UBE2E2: variants seen among roughly 807,000 people sequenced by gnomAD.
UBE2E2 encodes the protein ubiquitin-conjugating enzyme E2 E2.
UBE2E2 carries 6 observed loss-of-function variants against 24.7 expected under a neutral mutation model. The observed-to-expected ratio is 0.24, with a 90% CI of 0.13 to 0.48. The LOEUF is 0.48. Among genes scored for constraint, UBE2E2 ranks in the 20% least tolerant of loss-of-function variants. The pLI is 0.99. For missense variants in UBE2E2, 169 were observed against 245.0 expected, an observed-to-expected ratio of 0.69 and a Z score of 2.07; for synonymous variants, 104 against 83.6, an observed-to-expected ratio of 1.24 and a Z score of -1.33.
rs569361696 is a variant in UBE2E2 at position 23,345,974 on chromosome 3, T to C, written c.227+128662T>C. ...AACGGCAGACAGCAGAAACTAATGG[T>C]TTTCAACTGTTGCTGATCTAATCAA... On this transcript the variant is annotated intron_variant, in intron 3 of 5. Transcript: ENST00000396703. Among the ~76,000 whole-genome samples, 7 of 152,228 alleles carry C rather than the reference T, an allele frequency of 4.6e-5. No homozygotes were observed. In the South Asian group the frequency reaches 8.3e-4, roughly 18 times the overall value.
intron 3 of UBE2E2, among the ~76,000 whole-genome samples, chr3:23,431,657 T>A (rs1381507832): frequency 3.3e-5 from 5 of 152,210 alleles, no homozygotes; most frequent in African/African-American, 1.2e-4. Context: ...TCTTCAGATC[T>A]CCTCTTTAAA....
At chr3:23,301,351 A>G (rs1161655006) in intron 3 of UBE2E2, among the ~76,000 whole-genome samples, 1 of 152,090 alleles carries the variant, frequency 6.6e-6, no homozygotes, top group Non-Finnish European at 1.5e-5. Context: ...TTGGAGGAGG[A>G]GAGGCACTCT....
At chr3:23,269,289 T>C (rs927583158) in intron 3 of UBE2E2, among the ~76,000 whole-genome samples, 35 of 152,272 alleles carry the variant, frequency 2.3e-4, no homozygotes, top group East Asian at 1.3e-3. Flanking sequence ...GAGAAAATTT[T>C]CACAACCTAC....
At chr3:23,473,266 A>G (rs1213619780) in intron 3 of UBE2E2, among the ~76,000 whole-genome samples, 1 of 152,100 alleles carries the variant, frequency 6.6e-6, no homozygotes, top group Non-Finnish European at 1.5e-5. Context: ...ATTTTATTCA[A>G]ATGCTTTTTT....
intron 5 of UBE2E2, among the ~76,000 whole-genome samples, chr3:23,561,010 G>T (rs200832134): frequency 3.9e-5 from 6 of 152,164 alleles, no homozygotes; most frequent in South Asian, 4.1e-4. Flanking sequence ...TTCTCCCATT[G>T]TGTAGGTTGC....
intron 3 of UBE2E2, among the ~76,000 whole-genome samples, chr3:23,381,728 A>C (rs527681472): frequency 6.6e-6 from 1 of 152,338 alleles, no homozygotes; most frequent in Non-Finnish European, 1.5e-5. Context: ...TCTGTCAATG[A>C]GAATTACTGT....
chr3:23,332,991 G>A (rs183704369), intron 3 of UBE2E2, among the ~76,000 whole-genome samples: 100 of 152,272 alleles, frequency 6.6e-4, no homozygotes, highest in South Asian at 1.5e-3. Flanking sequence ...CTATTTTGAA[G>A]CAGAGATTTG....
intron 5 of UBE2E2, among the ~76,000 whole-genome samples, chr3:23,550,554 C>G (rs1275764929): frequency 6.6e-6 from 1 of 152,158 alleles, no homozygotes; most frequent in Non-Finnish European, 1.5e-5. Context: ...AGGTCAGAGA[C>G]TATGTCTAGT....
chr3:23,266,780 C>G (rs140196074), intron 3 of UBE2E2, among the ~76,000 whole-genome samples: 1 of 152,282 alleles, frequency 6.6e-6, no homozygotes, highest in Non-Finnish European at 1.5e-5. Context: ...CACACCTACT[C>G]CAAAACTGAC....
chr3:23,399,123 CCTT>C (rs1397699664), intron 3 of UBE2E2, among the ~76,000 whole-genome samples: 2 of 152,084 alleles, frequency 1.3e-5, no homozygotes, highest in Non-Finnish European at 2.9e-5. Flanking sequence ...GTTTCTTTTT[CCTT>C]CTTTATAATT....
intron 3 of UBE2E2, among the ~76,000 whole-genome samples, chr3:23,356,189 A>G (rs1283329414): frequency 2.0e-5 from 3 of 152,226 alleles, no homozygotes; most frequent in Admixed American, 1.3e-4. Flanking sequence ...AAAGCGGCAA[A>G]TCAGAACCCA....
At chr3:23,312,930 T>C (rs1328223012) in intron 3 of UBE2E2, among the ~76,000 whole-genome samples, 2 of 152,232 alleles carry the variant, frequency 1.3e-5, no homozygotes, top group Non-Finnish European at 2.9e-5. Context: ...ATTTCTAGTT[T>C]TACTCTATTG....
At chr3:23,492,188 T>C (rs1256596089) in intron 3 of UBE2E2, among the ~76,000 whole-genome samples, 2 of 152,230 alleles carry the variant, frequency 1.3e-5, no homozygotes, top group African/African-American at 4.8e-5. Flanking sequence ...TATTGTGTTG[T>C]ATGCCAGAAG....
chr3:23,333,963 T>C (rs1695138373), intron 3 of UBE2E2, among the ~76,000 whole-genome samples: 1 of 152,192 alleles, frequency 6.6e-6, no homozygotes, highest in African/African-American at 2.4e-5. Context: ...GTTCTTTCAA[T>C]TGTATTATTG....
At chr3:23,225,583 C>A (rs1214543014) in intron 3 of UBE2E2, among the ~76,000 whole-genome samples, 1 of 152,096 alleles carries the variant, frequency 6.6e-6, no homozygotes, top group Non-Finnish European at 1.5e-5. Context: ...TCTTGATACC[C>A]TTGTTGGAAA....
At chr3:23,339,070 T>C (rs1695300180) in intron 3 of UBE2E2, among the ~76,000 whole-genome samples, 1 of 152,174 alleles carries the variant, frequency 6.6e-6, no homozygotes, top group Non-Finnish European at 1.5e-5. Context: ...AAAGTAGACA[T>C]ACTAATAATG....
chr3:23,272,710 C>T (rs1019420462), intron 3 of UBE2E2, among the ~76,000 whole-genome samples: 6 of 152,098 alleles, frequency 3.9e-5, no homozygotes, highest in Admixed American at 6.6e-5. Flanking sequence ...AAGGAATTGG[C>T]TCATGCAATT....
rs147837531 is a variant in UBE2E2 at position 23,333,169 on chromosome 3, CTG to C, written c.227+115861_227+115862del. On this transcript the variant is annotated intron_variant, in intron 3 of 5. Coordinates refer to ENST00000396703, the MANE Select transcript of UBE2E2 (RefSeq NM_152653.4). ...CTCTCTGAGACTAGTGGTTTTCAAACTGTGTTCCAGGGGATCATGGAGGCATG... is the reference window on the plus strand; with the variant it reads ...CTCTCTGAGACTAGTGGTTTTCAAACTGTTCCAGGGGATCATGGAGGCATG... Among the ~76,000 whole-genome samples the C allele has an allele frequency of 5.1e-3, 775 of 152,296 alleles. 9 individuals carry two copies. The highest frequency in any genetic ancestry group is 0.018 in the African/African-American group (742 of 41,550).
chr3:23,559,992 A>G (rs1212729607), intron 5 of UBE2E2, among the ~76,000 whole-genome samples: 2 of 152,096 alleles, frequency 1.3e-5, no homozygotes, highest in African/African-American at 4.8e-5. Context: ...CTGTCTTAAG[A>G]TGTACCTCCC....
Sources: gnomAD v4.1 joint callset for allele counts (sites outside exome capture counted in the v4.1 genomes callset) on GRCh38, gnomAD v4.1.1 for gene constraint, MANE v1.5 for transcripts, NCBI Gene and HGNC (gene_info 2026-07-23, HGNC 2026-07-21) for gene names.